PRR5: variants seen among roughly 807,000 people sequenced by gnomAD.
The protein encoded by PRR5 is proline-rich protein 5.
Under a neutral mutation model 30.6 loss-of-function variants are expected in PRR5, and 25 were observed. The ratio of observed to expected loss-of-function variants is 0.82; its 90% CI spans 0.60 to 1.14. The LOEUF is 1.14. Ranked by LOEUF, PRR5 falls within the 50% of genes most tolerant of loss-of-function variation. The pLI is 0.00. For missense variants in PRR5, 600 were observed against 547.1 expected, an observed-to-expected ratio of 1.10 and a Z score of -0.96; for synonymous variants, 286 against 247.1, an observed-to-expected ratio of 1.16 and a Z score of -1.48.
In PRR5 at chr22:44,726,603, G is replaced by C. The variant is rs186666197; in HGVS notation, c.291G>C (p.Val97=). The C allele has an allele frequency of 4.0e-4, 644 of 1,614,148 alleles. 10 individuals are homozygous for C. In the East Asian group the frequency reaches 0.014, roughly 35 times the overall value. The change falls in exon 4 of 8, where the codon GTG becomes GTC. Residue 97 remains valine, a synonymous_variant. Transcript: ENST00000336985. Reference sequence around the variant, plus strand: ...ACCAGCTGCTGACAAAAGGCATGGTGATCCTTCGGGACAAGATTCGCTTCT... The same window carrying C: ...ACCAGCTGCTGACAAAAGGCATGGTCATCCTTCGGGACAAGATTCGCTTCT... The part of the protein sequence containing the change: ...LQNQLLTKGM[V]ILRDKIRFYE...
At chr22:44,733,531 C>T (rs1922627216) in intron 6 of PRR5, among the ~76,000 whole-genome samples, 1 of 152,186 alleles carries the variant, frequency 6.6e-6, no homozygotes. Flanking sequence ...AAGGTGGGGG[C>T]TGCCCTGGGT....
chr22:44,709,316 T>C (rs1157375080), intron 1 of PRR5, among the ~76,000 whole-genome samples: 1 of 152,108 alleles, frequency 6.6e-6, no homozygotes, highest in Non-Finnish European at 1.5e-5. Context: ...AAAAGGACTT[T>C]GTAATCACAA....
chr22:44,735,244 C>G, intron 7 of PRR5, 82 bp downstream of exon 7: 2 of 1,445,068 alleles, frequency 1.4e-6, no homozygotes, highest in Non-Finnish European at 1.9e-6. Context: ...AAGCCGAGGC[C>G]CCACGACAGA....
rs148430416 is a variant in PRR5 at position 44,722,426 on chromosome 22, G to A, written c.216-2818G>A. ...CTTCCGTGCACCTGCAGTACTGCCC[G>A]AGCCCCAGGCTCCGGTGATGGCCAG... On this transcript the variant is annotated intron_variant, in intron 2 of 7. Coordinates refer to ENST00000336985, the MANE Select transcript of PRR5 (RefSeq NM_181333.4). Among the ~76,000 whole-genome samples the A allele has an allele frequency of 2.7e-3, 407 of 152,300 alleles. 1 individual carries two copies. The highest frequency in any genetic ancestry group is 9.5e-3 in the African/African-American group (394 of 41,554).
Position 44,726,736 on chromosome 22 carries a change from G to GC in PRR5, c.322+103dup, listed in dbSNP as rs956396067. On this transcript the variant is annotated intron_variant, in intron 4 of 7. Coordinates refer to ENST00000336985, the MANE Select transcript of PRR5 (RefSeq NM_181333.4). ...TGGGGGCCTCTGGGTGCAAGGTGTG[G>GC]CTCTCTGGTCCGGAGGGCTTGGAAG... 1.9e-6 allele frequency: 3 copies of GC among 1,562,380 alleles called. No individual in the cohort carries two copies. In the African/African-American group the frequency reaches 4.1e-5, roughly 21 times the overall value.
chr22:44,669,087 TC>T (rs2146915609), intron 1 of PRR5, among the ~76,000 whole-genome samples: 2 of 148,436 alleles, frequency 1.3e-5, no homozygotes, highest in Non-Finnish European at 3.0e-5. Flanking sequence ...CCGAGCTCGT[TC>T]TCTCCCAGCC....
chr22:44,721,747 G>A (rs1038065026), intron 2 of PRR5, among the ~76,000 whole-genome samples: 26 of 152,292 alleles, frequency 1.7e-4, no homozygotes, highest in Admixed American at 1.7e-3. Flanking sequence ...AGACAAGGGT[G>A]CCGAGGCCCA....
intron 7 of PRR5, 99 bp downstream of exon 7, chr22:44,735,261 A>T (rs1361234425): frequency 7.2e-7 from 1 of 1,398,358 alleles, no homozygotes; most frequent in Non-Finnish European, 9.6e-7. Context: ...CAGAACCAGG[A>T]TCTGACTCCA....
At chr22:44,675,953 C>T (rs1021548434), upstream of PRR5, among the ~76,000 whole-genome samples, 1 of 151,604 alleles carries the variant, frequency 6.6e-6, no homozygotes. Context: ...TCTGTGTGGG[C>T]GAGGTGCTGG....
chr22:44,707,945 G>C (rs1033447539), intron 1 of PRR5, among the ~76,000 whole-genome samples: 4 of 152,164 alleles, frequency 2.6e-5, no homozygotes, highest in African/African-American at 9.7e-5. Context: ...GTGGCCCCAA[G>C]ATGCCAGCCT....
At chr22:44,689,213 A>G (rs1227569000) in intron 1 of PRR5, among the ~76,000 whole-genome samples, 5 of 152,012 alleles carry the variant, frequency 3.3e-5, no homozygotes, top group Admixed American at 2.6e-4. Flanking sequence ...ATTTATTACC[A>G]TTTCTTACGG....
At chr22:44,704,801 A>G (rs998571820) in intron 1 of PRR5, among the ~76,000 whole-genome samples, 4 of 152,018 alleles carry the variant, frequency 2.6e-5, no homozygotes, top group African/African-American at 9.7e-5. Context: ...GATGCAGCAG[A>G]GCCTGCGCCC....
chr22:44,703,476 T>A (rs893786899), intron 1 of PRR5, among the ~76,000 whole-genome samples: 1 of 152,118 alleles, frequency 6.6e-6, no homozygotes, highest in Admixed American at 6.5e-5. Flanking sequence ...ACACGTTATT[T>A]TCAGTTCATT....
intron 1 of PRR5, among the ~76,000 whole-genome samples, chr22:44,705,659 C>G (rs1214250934): frequency 6.6e-6 from 1 of 152,068 alleles, no homozygotes; most frequent in African/African-American, 2.4e-5. Context: ...GAATCTTGCT[C>G]TGTCACCCAG....
chr22:44,720,774 C>T (rs553200500), intron 2 of PRR5, among the ~76,000 whole-genome samples: 45 of 152,274 alleles, frequency 3.0e-4, no homozygotes, highest in Non-Finnish European at 5.9e-4. Context: ...GGGGGATGCT[C>T]AGCCAGTGAT....
At chr22:44,673,924 A>AT (rs1923565318), upstream of PRR5, among the ~76,000 whole-genome samples, 1 of 152,198 alleles carries the variant, frequency 6.6e-6, no homozygotes, top group South Asian at 2.1e-4. Flanking sequence ...AGCTGCTCAT[A>AT]AAGCCTTGGG....
chr22:44,720,624 G>A (rs1230369636), intron 2 of PRR5, among the ~76,000 whole-genome samples: 2 of 152,184 alleles, frequency 1.3e-5, no homozygotes, highest in African/African-American at 2.4e-5. Flanking sequence ...GGAGGTGGAC[G>A]AGGCCTTCGG....
upstream of PRR5, among the ~76,000 whole-genome samples, chr22:44,675,608 C>G (rs1474425341): frequency 6.6e-6 from 1 of 152,108 alleles, no homozygotes; most frequent in Non-Finnish European, 1.5e-5. Context: ...CTCTCACCCT[C>G]CCTGCATCTC....
chr22:44,708,829 TG>T (rs1927657516), intron 1 of PRR5, among the ~76,000 whole-genome samples: 1 of 151,306 alleles, frequency 6.6e-6, no homozygotes, highest in African/African-American at 2.4e-5. Context: ...TAGCCCAGCG[TG>T]GTGGTGGGCG....
Sources: gnomAD v4.1 joint callset for allele counts (sites outside exome capture counted in the v4.1 genomes callset) on GRCh38, gnomAD v4.1.1 for gene constraint, MANE v1.5 for transcripts, NCBI Gene and HGNC (gene_info 2026-07-23, HGNC 2026-07-21) for gene names.